The following TNFRSF8 variants were observed in gnomAD, a reference collection of about 807,000 sequenced individuals.
TNFRSF8 encodes the protein tumor necrosis factor receptor superfamily member 8.
A neutral mutation model predicts 70.8 loss-of-function variants in TNFRSF8; 26 were observed. The observed-to-expected ratio is 0.37, with a 90% CI of 0.27 to 0.51. The LOEUF is 0.51. Ranked by LOEUF, TNFRSF8 falls within the 20% of genes least tolerant of loss-of-function variation. TNFRSF8 has a pLI of 0.94. For synonymous variants in TNFRSF8, 356 were observed against 339.2 expected, an observed-to-expected ratio of 1.05 and a Z score of -0.54; for missense variants, 720 against 807.9, an observed-to-expected ratio of 0.89 and a Z score of 1.32.
At chr1:12,081,728 G>C (rs2100963561) in intron 1 of TNFRSF8, among the ~76,000 whole-genome samples, 1 of 151,988 alleles carries the variant, frequency 6.6e-6, no homozygotes, top group East Asian at 1.9e-4. Context: ...GCTTTCTGCT[G>C]CTTCCTGAAC....
intron 1 of TNFRSF8, among the ~76,000 whole-genome samples, chr1:12,076,982 C>T (rs745373065): frequency 3.9e-4 from 59 of 152,284 alleles, no homozygotes; most frequent in South Asian, 4.1e-4. Context: ...CACCCTGTCA[C>T]CCAGGCTGGA....
At chr1:12,133,396 C>T (rs1231529590) in intron 12 of TNFRSF8, among the ~76,000 whole-genome samples, 5 of 151,736 alleles carry the variant, frequency 3.3e-5, no homozygotes, top group Non-Finnish European at 7.4e-5. Flanking sequence ...GCTTGTAAAA[C>T]TCAAAATCAC....
chr1:12,099,141 A>G (rs1477429438), intron 3 of TNFRSF8, among the ~76,000 whole-genome samples: 1 of 151,784 alleles, frequency 6.6e-6, no homozygotes, highest in African/African-American at 2.4e-5. Flanking sequence ...TCTGTTGCCT[A>G]TATTTTTGTT....
chr1:12,066,936 A>T (rs1361342231), intron 1 of TNFRSF8, among the ~76,000 whole-genome samples: 2 of 152,206 alleles, frequency 1.3e-5, no homozygotes, highest in African/African-American at 4.8e-5. Context: ...TACAGGCGTG[A>T]GCCACCGTGC....
At chr1:12,131,494 CATTT>C (rs536439036) in intron 12 of TNFRSF8, among the ~76,000 whole-genome samples, 1 of 105,552 alleles carries the variant, frequency 9.5e-6, no homozygotes, top group African/African-American at 4.2e-5. Context: ...AAGTGGCCTT[CATTT>C]TTAAGTTTTT....
At chr1:12,087,021 C>T (rs887587346) in intron 2 of TNFRSF8, among the ~76,000 whole-genome samples, 43 of 151,490 alleles carry the variant, frequency 2.8e-4, no homozygotes, top group African/African-American at 9.2e-4. Context: ...TCCCATTCAC[C>T]GCCCCCATCC....
intron 1 of TNFRSF8, among the ~76,000 whole-genome samples, chr1:12,079,510 G>C (rs921960103): frequency 2.6e-5 from 4 of 152,210 alleles, no homozygotes; most frequent in African/African-American, 9.7e-5. Context: ...AGCCAGGCAG[G>C]GTGGGCCTGG....
chr1:12,128,866 G>A (rs1175468400), intron 12 of TNFRSF8, among the ~76,000 whole-genome samples: 3 of 124,450 alleles, frequency 2.4e-5, no homozygotes, highest in African/African-American at 9.6e-5. Flanking sequence ...ACAGAGTCTC[G>A]CTCTGTCACC....
chr1:12,085,453 T>C (rs1641138563), intron 2 of TNFRSF8, among the ~76,000 whole-genome samples: 2 of 152,206 alleles, frequency 1.3e-5, no homozygotes, highest in Non-Finnish European at 2.9e-5. Context: ...AGTCTCGCTA[T>C]ATTGCACAGG....
intron 1 of TNFRSF8, among the ~76,000 whole-genome samples, chr1:12,081,115 C>T (rs1641055489): frequency 6.6e-6 from 1 of 152,158 alleles, no homozygotes; most frequent in African/African-American, 2.4e-5. Context: ...ATGTGCAATA[C>T]CATGGGCTCC....
intron 1 of TNFRSF8, among the ~76,000 whole-genome samples, chr1:12,064,226 T>C (rs1640698604): frequency 6.6e-6 from 1 of 152,148 alleles, no homozygotes; most frequent in Non-Finnish European, 1.5e-5. Context: ...AAAGCAACGC[T>C]GTGGATTGAA....
Position 12,143,883 on chromosome 1 carries a change from G to C in TNFRSF8, c.*1352G>C, listed in dbSNP as rs192926082. 6.6e-6 allele frequency: 1 copy of C among 152,260 alleles called. No homozygotes were observed. Among genetic ancestry groups the C allele is most frequent in the Non-Finnish European group, 1.5e-5 (1 of 68,058 alleles). The allele number at this position is 152,260 out of a possible 1,614,324, so 9.4% of individuals were successfully genotyped here. A position where few individuals can be genotyped will look rare whatever the true frequency, so the allele number is the denominator to read the frequency against. On this transcript the variant is annotated 3_prime_UTR_variant, in exon 15 of 15. Transcript: ENST00000263932. The surrounding 1 kb of genome is among the most constrained non-coding windows in gnomAD (Gnocchi z 4.1). ...GGAGGAAGTGATAGTTTCTGAAACC[G>C]CTCAGATGTTTTGGGGAAAGTTGGA...
intron 13 of TNFRSF8, among the ~76,000 whole-genome samples, chr1:12,137,992 G>A (rs1319035445): frequency 6.6e-6 from 1 of 152,144 alleles, no homozygotes; most frequent in African/African-American, 2.4e-5. Context: ...CAGGGCCAAC[G>A]GACGTGGCGA....
rs750826792 is a variant in TNFRSF8 at position 12,110,001 on chromosome 1, T to C, written c.513-40T>C. 2.9e-5 allele frequency: 47 copies of C among 1,602,478 alleles called. No individual in the cohort carries two copies. The highest frequency in any genetic ancestry group is 3.7e-5 in the Non-Finnish European group (44 of 1,174,280). On this transcript the variant is annotated intron_variant, in intron 5 of 14. Coordinates refer to ENST00000263932, the MANE Select transcript of TNFRSF8 (RefSeq NM_001243.5). The surrounding 1 kb of genome is among the most constrained non-coding windows in gnomAD (Gnocchi z 4.0). ...GTGAGCACAGGCCTCCCTTGCCCCA[T>C]TGGCAGAATTATCAGTCCCATCTCT...
chr1:12,086,024 C>T (rs1641147521), intron 2 of TNFRSF8, among the ~76,000 whole-genome samples: 1 of 152,194 alleles, frequency 6.6e-6, no homozygotes, highest in South Asian at 2.1e-4. Context: ...CAGGCCATTG[C>T]AAGTGGGCGG....
At chr1:12,080,098 A>G (rs1347109061) in intron 1 of TNFRSF8, among the ~76,000 whole-genome samples, 1 of 151,662 alleles carries the variant, frequency 6.6e-6, no homozygotes, top group African/African-American at 2.4e-5. Flanking sequence ...ACAGGCATGC[A>G]CCACCATGCC....
chr1:12,132,388 G>C (rs1017977693), intron 12 of TNFRSF8, among the ~76,000 whole-genome samples: 1 of 152,222 alleles, frequency 6.6e-6, no homozygotes, highest in East Asian at 1.9e-4. Flanking sequence ...TGTTTCTCAA[G>C]ACCAGTTTCC....
In TNFRSF8 at chr1:12,099,190, G is replaced by A. The variant is rs911310755; in HGVS notation, c.268+1973G>A. ...TTTTGAGACAGAGTCTGACTCTGTC[G>A]CCCAGGCTGGAGTGCAGTGGTGCAA... On this transcript the variant is annotated intron_variant, in intron 3 of 14. Transcript: ENST00000263932. 5.9e-5 allele frequency among the ~76,000 whole-genome samples: 9 copies of A among 151,592 alleles called. 1 individual carries two copies. The highest frequency in any genetic ancestry group is 2.0e-4 in the Admixed American group (3 of 15,196).
At chr1:12,121,339 C>T (rs1381440056) in intron 8 of TNFRSF8, among the ~76,000 whole-genome samples, 3 of 152,146 alleles carry the variant, frequency 2.0e-5, no homozygotes, top group South Asian at 2.1e-4. Context: ...ATCTGAGAGG[C>T]GTCACGAACA....
Sources: gnomAD v4.1 joint callset for allele counts (sites outside exome capture counted in the v4.1 genomes callset) on GRCh38, gnomAD v4.1.1 for gene constraint, Gnocchi (gnomAD v3.1) non-coding constraint, MANE v1.5 for transcripts, NCBI Gene and HGNC (gene_info 2026-07-23, HGNC 2026-07-21) for gene names.